The following OCA2 variants were observed in gnomAD, a reference collection of about 807,000 sequenced individuals.
The protein encoded by OCA2 is P protein.
A neutral mutation model predicts 100.2 loss-of-function variants in OCA2; 77 were observed. The observed-to-expected ratio is 0.77, with a 90% CI of 0.64 to 0.93. OCA2 has a LOEUF of 0.93. OCA2 is among the 40% of genes least tolerant of loss of function. The probability of loss-of-function intolerance (pLI) is 0.00; values close to 1 mark genes in which losing one functional copy is unlikely to be tolerated. For synonymous variants in OCA2, 432 were observed against 439.2 expected (o/e 0.98, Z 0.21); for missense variants, 1,062 against 1,089.1 (o/e 0.98, Z 0.35).
At chr15:27,748,418 G>A in the OCA2 span, among the ~76,000 whole-genome samples, 2 of 152,126 alleles carry the variant, frequency 1.3e-5, no homozygotes, top group African/African-American at 4.8e-5. Flanking sequence ...AGCATCAGCA[G>A]GGAGCAGTGG....
intron 23 of OCA2, among the ~76,000 whole-genome samples, chr15:27,843,028 TG>T (rs2035398903): frequency 6.6e-6 from 1 of 152,062 alleles, no homozygotes; most frequent in Admixed American, 6.5e-5. Flanking sequence ...AAGATCAGAC[TG>T]GGGTTGCCCT....
chr15:27,939,384 A>G (rs2039567525), intron 18 of OCA2, among the ~76,000 whole-genome samples: 2 of 152,212 alleles, frequency 1.3e-5, no homozygotes, highest in South Asian at 4.1e-4. Context: ...CTCGGGGCCT[A>G]TTAAATGCAG....
chr15:27,900,957 T>A (rs1237664697), intron 19 of OCA2, among the ~76,000 whole-genome samples: 1 of 152,178 alleles, frequency 6.6e-6, no homozygotes, highest in Admixed American at 6.5e-5. Context: ...ATTAAAGAAG[T>A]GAGTTAACTA....
chr15:28,082,678 T>A (rs529522938), intron 1 of OCA2, among the ~76,000 whole-genome samples: 134 of 152,262 alleles, frequency 8.8e-4, no homozygotes, highest in Non-Finnish European at 1.6e-3. Flanking sequence ...TATGTATAAA[T>A]TACATACATA....
intron 23 of OCA2, among the ~76,000 whole-genome samples, chr15:27,826,565 A>G (rs1040216765): frequency 6.6e-6 from 1 of 152,162 alleles, no homozygotes; most frequent in African/African-American, 2.4e-5. Flanking sequence ...CTTTCTCAGC[A>G]TGTGGTGACT....
intron 23 of OCA2, among the ~76,000 whole-genome samples, chr15:27,783,018 G>A (rs2032622764): frequency 6.6e-6 from 1 of 152,206 alleles, no homozygotes; most frequent in African/African-American, 2.4e-5. Flanking sequence ...ATAGGAAAAT[G>A]TACAAGGTGT....
intron 23 of OCA2, among the ~76,000 whole-genome samples, chr15:27,785,252 G>A (rs1408332956): frequency 6.6e-6 from 1 of 152,064 alleles, no homozygotes; most frequent in African/African-American, 2.4e-5. Flanking sequence ...TAAAGCAGAC[G>A]CAGAAATTCC....
At chr15:28,057,490 TGCCCA>T (rs1485738254) in intron 2 of OCA2, among the ~76,000 whole-genome samples, 2 of 152,122 alleles carry the variant, frequency 1.3e-5, no homozygotes, top group African/African-American at 2.4e-5. Flanking sequence ...TCCCTTGGCC[TGCCCA>T]GCCACTGTCA....
intron 19 of OCA2, among the ~76,000 whole-genome samples, chr15:27,879,226 G>A (rs2036913707): frequency 1.3e-5 from 2 of 152,122 alleles, no homozygotes; most frequent in Admixed American, 6.5e-5. Flanking sequence ...TGTTGTATAT[G>A]TACCACATTT....
At chr15:27,739,395 C>T in the OCA2 span, among the ~76,000 whole-genome samples, 8 of 151,022 alleles carry the variant, frequency 5.3e-5, no homozygotes, top group Admixed American at 1.3e-4. Context: ...ACATGACTGC[C>T]TGCTGATCAT....
At chr15:28,074,485 G>T (rs201244496) in intron 2 of OCA2, among the ~76,000 whole-genome samples, 3 of 151,726 alleles carry the variant, frequency 2.0e-5, no homozygotes, top group East Asian at 1.9e-4. Flanking sequence ...CCATCCTGGC[G>T]AACATGGTGA....
intron 19 of OCA2, among the ~76,000 whole-genome samples, chr15:27,898,239 T>G (rs984443150): frequency 1.3e-5 from 2 of 152,116 alleles, no homozygotes; most frequent in African/African-American, 4.8e-5. Context: ...GACATTAGAT[T>G]TGGGAGGGGC....
At position 27,781,504 on chromosome 15, in the gene OCA2, C is replaced by A. The variant is rs866702484; in HGVS notation, c.2433-26032G>T. 3.9e-5 allele frequency among the ~76,000 whole-genome samples: 6 copies of A among 152,336 alleles called. 1 individual carries two copies. The Middle Eastern group carries it at 0.014, about 345-fold the overall frequency. On this transcript the variant is annotated intron_variant, in intron 23 of 23. Transcript: ENST00000354638. ...ATTGGTTGAAATAATTTTTTCCCAG[C>A]ACCTTACCATTGATTAATACTGACT...
In OCA2 at chr15:27,990,559, G is replaced by T; in HGVS notation, c.1116+17C>A. Reference sequence around the variant, plus strand: ...CCACTGAGTGGTAAGCCAGGGATTGGGACTGTGACAACTTACATCGCCAAT... The same window carrying T: ...CCACTGAGTGGTAAGCCAGGGATTGTGACTGTGACAACTTACATCGCCAAT... On this transcript the variant is annotated intron_variant, in intron 10 of 23. Coordinates refer to ENST00000354638, the MANE Select transcript of OCA2 (RefSeq NM_000275.3). 4 of 1,612,776 alleles carry T rather than the reference G, an allele frequency of 2.5e-6. No homozygotes were observed. Among genetic ancestry groups the T allele is most frequent in the Non-Finnish European group, 3.4e-6 (4 of 1,178,948 alleles).
At chr15:27,871,785 G>A in intron 20 of OCA2, 78 bp downstream of exon 20, 1 of 1,030,072 alleles carries the variant, frequency 9.7e-7, no homozygotes, top group South Asian at 1.3e-5. Flanking sequence ...TCTTACCAGA[G>A]TGCTTTTTTT....
chr15:27,751,767 C>T (rs1211266832), downstream of OCA2, among the ~76,000 whole-genome samples: 1 of 152,194 alleles, frequency 6.6e-6, no homozygotes, highest in Non-Finnish European at 1.5e-5. Flanking sequence ...GTGCAAACCT[C>T]AGGATCTGAA....
intron 14 of OCA2, among the ~76,000 whole-genome samples, chr15:27,968,928 G>A (rs1404711506): frequency 6.8e-6 from 1 of 147,440 alleles, no homozygotes; most frequent in Non-Finnish European, 1.5e-5. Flanking sequence ...ATCTGAAAAA[G>A]ATCCACGATA....
intron 23 of OCA2, among the ~76,000 whole-genome samples, chr15:27,808,461 A>G (rs963426856): frequency 7.9e-5 from 12 of 152,348 alleles, no homozygotes; most frequent in African/African-American, 2.9e-4. Context: ...AAACCGTCCA[A>G]CCGTACAACT....
chr15:27,720,358 C>T, the OCA2 span, among the ~76,000 whole-genome samples: 5 of 150,298 alleles, frequency 3.3e-5, no homozygotes, highest in South Asian at 4.2e-4. Context: ...AACAAACAAG[C>T]GTCACAGAAA....
Sources: gnomAD v4.1 joint callset for allele counts (sites outside exome capture counted in the v4.1 genomes callset) on GRCh38, gnomAD v4.1.1 for gene constraint, MANE v1.5 for transcripts, NCBI Gene and HGNC (gene_info 2026-07-23, HGNC 2026-07-21) for gene names.